The following BICRA variants were observed in gnomAD, a reference collection of about 807,000 sequenced individuals.
The protein encoded by BICRA is BRD4 interacting chromatin remodeling complex associated protein.
In BICRA, 31 loss-of-function variants were observed where a neutral mutation model predicts 96.9. That is an observed-to-expected ratio of 0.32 (90% CI 0.24 to 0.43). The LOEUF (loss-of-function observed/expected upper bound fraction) is 0.43, where lower values mean the gene tolerates loss of function less well. Among genes scored for constraint, BICRA ranks in the 20% least tolerant of loss-of-function variants. BICRA has a pLI of 1.00. For missense variants in BICRA, 2,283 were observed against 2,190.3 expected, an observed-to-expected ratio of 1.04 and a Z score of -0.84; for synonymous variants, 1,350 against 1,071.8, an observed-to-expected ratio of 1.26 and a Z score of -5.07.
intron 1 of BICRA, among the ~76,000 whole-genome samples, chr19:47,610,122 C>T (rs1225629659): frequency 1.3e-5 from 2 of 152,196 alleles, no homozygotes; most frequent in African/African-American, 4.8e-5. Context: ...CGGGGTGAGC[C>T]CGGACGAGCT....
chr19:47,610,617 C>CCCACA (rs751553560), intron 1 of BICRA, among the ~76,000 whole-genome samples: 6 of 146,518 alleles, frequency 4.1e-5, no homozygotes, highest in East Asian at 2.1e-4. Context: ...CACCCCCCCC[C>CCCACA]CACACACACA....
intron 9 of BICRA, 35 bp downstream of exon 9, chr19:47,695,115 G>A (rs1002580038): frequency 1.7e-5 from 24 of 1,379,658 alleles, no homozygotes; most frequent in East Asian, 5.0e-5. Flanking sequence ...CCAGGGAGAC[G>A]GGGCCTGAAG....
At position 47,701,896 on chromosome 19, in the gene BICRA, C is replaced by G. The variant is rs1038321126; in HGVS notation, c.4164C>G (p.Arg1388=). Residue 1388 remains arginine (R), a synonymous_variant, in exon 15 of 15, where the codon CGC becomes CGG. Transcript: ENST00000594866. This position sits in a 1 kb window ranked among gnomAD's most constrained non-coding sequence, Gnocchi z 5.4. ...TAPHCPRLPL[R]KTYRENVGGP... Reference sequence around the variant, plus strand: ...CGCACTGCCCGCGCCTGCCACTGCGCAAGACCTACCGCGAGAACGTGGGGG... The same window carrying G: ...CGCACTGCCCGCGCCTGCCACTGCGGAAGACCTACCGCGAGAACGTGGGGG... 2.1e-6 allele frequency: 3 copies of G among 1,451,712 alleles called. No homozygotes were observed. The highest frequency in any genetic ancestry group is 5.5e-5 in the Admixed American group (2 of 36,174). 89.9% of individuals were successfully genotyped at this position (1,451,712 alleles called of 1,614,324 possible). A position where few individuals can be genotyped will look rare whatever the true frequency, so the allele number is the denominator to read the frequency against.
At chr19:47,658,563 CAG>C (rs1972655226) in intron 1 of BICRA, among the ~76,000 whole-genome samples, 1 of 144,952 alleles carries the variant, frequency 6.9e-6, no homozygotes, top group East Asian at 2.0e-4. Flanking sequence ...ACCGGGGAGG[CAG>C]AGTTTGCAGT....
At chr19:47,647,899 A>C (rs1162299783) in intron 1 of BICRA, among the ~76,000 whole-genome samples, 2 of 51,210 alleles carry the variant, frequency 3.9e-5, no homozygotes, top group African/African-American at 1.6e-4. Context: ...TCGCGGGGGG[A>C]GTGGGGGGCC....
chr19:47,625,547 C>T (rs1425934112), intron 1 of BICRA, among the ~76,000 whole-genome samples: 1 of 152,110 alleles, frequency 6.6e-6, no homozygotes, highest in Non-Finnish European at 1.5e-5. Context: ...CTAACTGATA[C>T]TGAATGATTG....
intron 1 of BICRA, among the ~76,000 whole-genome samples, chr19:47,650,883 G>T (rs1403470720): frequency 6.6e-6 from 1 of 152,078 alleles, no homozygotes; most frequent in Admixed American, 6.6e-5. Flanking sequence ...CGCCCAGCCC[G>T]CACAGCCTGA....
Position 47,679,749 on chromosome 19 carries a change from T to C in BICRA, c.579T>C (p.Ser193=). The C allele has an allele frequency of 6.5e-7, 1 of 1,529,070 alleles. No individual in the cohort carries two copies. The highest frequency in any genetic ancestry group is 1.2e-5 in the South Asian group (1 of 81,896). 94.7% of individuals were successfully genotyped at this position (1,529,070 alleles called of 1,614,324 possible). The change falls in exon 6 of 15, where the codon AGT becomes AGC. Residue 193 remains serine, a synonymous_variant. Coordinates refer to ENST00000594866, the MANE Select transcript of BICRA (RefSeq NM_001394372.1). ...PPQDVVNKAL[S]VQPFLQPVGL... Reference sequence around the variant, plus strand: ...AGGACGTGGTCAACAAGGCCCTGAGTGTGCAGCCCTTCCTGCAGCCTGTGG... The same window carrying C: ...AGGACGTGGTCAACAAGGCCCTGAGCGTGCAGCCCTTCCTGCAGCCTGTGG...
chr19:47,699,293 C>T lies in BICRA; in HGVS notation c.3493-10C>T, dbSNP rs1265017938. On this transcript the variant is annotated splice_polypyrimidine_tract_variant and intron_variant, in intron 13 of 14. Transcript: ENST00000594866. The surrounding 1 kb of genome is among the most constrained non-coding windows in gnomAD (Gnocchi z 5.0). ...GGTTCACTCGCACGTCGTCTTTTCC[C>T]CCACCCCAGAGGGTGAGCCCCTCAG... is the stretch of plus-strand genomic sequence containing the variant. The T allele has an allele frequency of 6.6e-7, 1 of 1,520,374 alleles. No homozygotes were observed. Among genetic ancestry groups the T allele is most frequent in the Non-Finnish European group, 9.0e-7 (1 of 1,116,986 alleles). The allele number at this position is 1,520,374 out of a possible 1,614,324, so 94.2% of individuals were successfully genotyped here. A position where few individuals can be genotyped will look rare whatever the true frequency, so the allele number is the denominator to read the frequency against.
rs201394548 is a variant in BICRA, at chr19:47,694,639, C to T, written c.2808C>T (p.Pro936=). Residue 936 remains proline (P), a synonymous_variant, in exon 8 of 15, where the codon CCC becomes CCT. Coordinates refer to ENST00000594866, the MANE Select transcript of BICRA (RefSeq NM_001394372.1). The part of the protein sequence containing the change: ...LHLVPEPAAP[P]PPPPRTFQMV... Reference sequence around the variant, plus strand: ...TGGTCCCTGAGCCGGCAGCACCCCCCCCACCGCCTCCTCGGACCTTCCAGA... The same window carrying T: ...TGGTCCCTGAGCCGGCAGCACCCCCTCCACCGCCTCCTCGGACCTTCCAGA... The T allele has an allele frequency of 4.5e-5, 71 of 1,576,676 alleles. 1 individual carries two copies. Among genetic ancestry groups the T allele is most frequent in the South Asian group, 2.5e-4 (23 of 90,266 alleles).
intron 1 of BICRA, among the ~76,000 whole-genome samples, chr19:47,623,615 T>C (rs1386708303): frequency 6.6e-6 from 1 of 152,068 alleles, no homozygotes; most frequent in Non-Finnish European, 1.5e-5. Context: ...GGGAGAGCGA[T>C]GAGGCAGGAA....
chr19:47,646,611 T>C (rs2123542472), intron 1 of BICRA, among the ~76,000 whole-genome samples: 1 of 152,272 alleles, frequency 6.6e-6, no homozygotes, highest in East Asian at 1.9e-4. Context: ...CCGTATTAAT[T>C]CGTTTAATCC....
chr19:47,632,229 T>G (rs868753529), intron 1 of BICRA, among the ~76,000 whole-genome samples: 9 of 152,318 alleles, frequency 5.9e-5, no homozygotes, highest in African/African-American at 1.9e-4. Flanking sequence ...GAGCGAGCAT[T>G]TAGACTTTGG....
intron 7 of BICRA, among the ~76,000 whole-genome samples, chr19:47,684,620 T>A (rs960698015): frequency 6.6e-6 from 1 of 152,106 alleles, no homozygotes; most frequent in African/African-American, 2.4e-5. Context: ...GCGCCCGGCC[T>A]AGCACTCTCT....
chr19:47,673,706 C>T lies in BICRA; in HGVS notation c.42-14C>T. 6.2e-7 allele frequency: 1 copy of T among 1,612,320 alleles called. No homozygotes were observed. Among genetic ancestry groups the T allele is most frequent in the Non-Finnish European group, 8.5e-7 (1 of 1,178,542 alleles). ...CTCCTTACCTCCTCAGCGTCTCTTC[C>T]TCTTCTCTTCCAGTGACCCACAGGC... On this transcript the variant is annotated splice_polypyrimidine_tract_variant and intron_variant, in intron 3 of 14. Coordinates refer to ENST00000594866, the MANE Select transcript of BICRA (RefSeq NM_001394372.1).
Position 47,699,412 on chromosome 19 carries a change from G to C in BICRA, c.3595+7G>C, listed in dbSNP as rs764244350. The stretch of plus-strand genomic sequence containing the variant: ...CTGGCCAAGGAGAAGCCGGGTGAGA[G>C]GGGGGAGTGAGAGGGGAGGGGAGGG... On this transcript the variant is annotated splice_region_variant and intron_variant, in intron 14 of 14. Transcript: ENST00000594866. The surrounding 1 kb of genome is among the most constrained non-coding windows in gnomAD (Gnocchi z 5.0). The C allele has an allele frequency of 6.7e-7, 1 of 1,498,710 alleles. No homozygotes were observed. Among genetic ancestry groups the C allele is most frequent in the East Asian group, 2.4e-5 (1 of 40,942 alleles). 92.8% of individuals were successfully genotyped at this position (1,498,710 alleles called of 1,614,324 possible).
In BICRA at chr19:47,619,289, G is replaced by A. The variant is rs1472750145; in HGVS notation, c.-108+10121G>A. ...GTTTGAGATGGGGTCTCGCTGTTTC[G>A]CTCTGTCCCCTAGGCCGGAGTGCAG... is the stretch of plus-strand genomic sequence containing the variant. On this transcript the variant is annotated intron_variant, in intron 1 of 14. Coordinates refer to ENST00000594866, the MANE Select transcript of BICRA (RefSeq NM_001394372.1). Among the ~76,000 whole-genome samples, 27 of 143,558 alleles carry A rather than the reference G, an allele frequency of 1.9e-4. No individual in the cohort carries two copies. In the Admixed American group the frequency reaches 1.9e-3, roughly 10 times the overall value. 94.2% of individuals were successfully genotyped at this position (143,558 alleles called of 152,430 possible). A position where few individuals can be genotyped will look rare whatever the true frequency, so the allele number is the denominator to read the frequency against.
intron 1 of BICRA, chr19:47,663,845 C>T (rs998349344): frequency 2.1e-4 from 32 of 151,886 alleles, no homozygotes; most frequent in African/African-American, 7.5e-4. Flanking sequence ...CAAATACTCA[C>T]TCTTACCATG....
intron 4 of BICRA, among the ~76,000 whole-genome samples, chr19:47,674,298 G>GCC (rs1972909651): frequency 6.6e-6 from 1 of 151,426 alleles, no homozygotes; most frequent in Admixed American, 6.6e-5. Context: ...ACTGTAGTAG[G>GCC]TAAAAGTCAC....
Sources: gnomAD v4.1 joint callset for allele counts (sites outside exome capture counted in the v4.1 genomes callset) on GRCh38, gnomAD v4.1.1 for gene constraint, Gnocchi (gnomAD v3.1) non-coding constraint, MANE v1.5 for transcripts, NCBI Gene and HGNC (gene_info 2026-07-23, HGNC 2026-07-21) for gene names.